Variants in NLGN1 observed in about 807,000 individuals in gnomAD.
NLGN1 encodes neuroligin-1.
A neutral mutation model predicts 65.5 loss-of-function variants in NLGN1; 12 were observed. That is an observed-to-expected ratio of 0.18 (90% CI 0.12 to 0.30). The LOEUF (loss-of-function observed/expected upper bound fraction) is 0.30. Ranked by LOEUF, NLGN1 falls within the 10% of genes least tolerant of loss-of-function variation. The pLI, the probability that NLGN1 is intolerant of heterozygous loss-of-function variation, is 1.00. For missense variants in NLGN1, 750 were observed against 1,007.1 expected, an observed-to-expected ratio of 0.74 and a Z score of 3.46; for synonymous variants, 350 against 359.5, an observed-to-expected ratio of 0.97 and a Z score of 0.30.
chr3:174,241,583 A>G (rs1742822537), intron 4 of NLGN1, among the ~76,000 whole-genome samples: 1 of 151,768 alleles, frequency 6.6e-6, no homozygotes, highest in South Asian at 2.1e-4. Context: ...ATTCTCAAGG[A>G]TATTACAATC....
intron 2 of NLGN1, among the ~76,000 whole-genome samples, chr3:173,577,173 G>T (rs1189775904): frequency 6.6e-6 from 1 of 152,178 alleles, no homozygotes; most frequent in Non-Finnish European, 1.5e-5. Flanking sequence ...ATGAATTTCA[G>T]CTATAAGATA....
chr3:173,685,674 C>T (rs1764578694), intron 3 of NLGN1: 2 of 985,252 alleles, frequency 2.0e-6, no homozygotes, highest in Non-Finnish European at 2.4e-6. Flanking sequence ...ATAGCTATGT[C>T]ATGTAAGGAC....
Position 174,280,594 on chromosome 3 carries a change from T to C in NLGN1, c.1763T>C (p.Ile588Thr). The change falls in exon 7 of 7, where the codon ATT becomes ACT. Residue 588 changes from isoleucine to threonine, a missense_variant. Physicochemically the swap from Ile to Thr is moderately conservative, Grantham distance 89 (BLOSUM62 -1). Transcript: ENST00000457714. The surrounding 1 kb of genome is among the most constrained non-coding windows in gnomAD (Gnocchi z 4.9). ...CAGAAAGACCAACTTTATCTCCATA[T>C]TGGATTAAAACCAAGAGTTAAAGAA... 2 of 1,613,252 alleles carry C rather than the reference T, an allele frequency of 1.2e-6. No individual in the cohort carries two copies. The highest frequency in any genetic ancestry group is 1.7e-6 in the Non-Finnish European group (2 of 1,179,490).
intron 3 of NLGN1, among the ~76,000 whole-genome samples, chr3:173,735,240 A>G (rs1175337618): frequency 2.0e-5 from 3 of 152,146 alleles, no homozygotes; most frequent in Non-Finnish European, 4.4e-5. Flanking sequence ...ACCAAAATGC[A>G]AAGTTCTAGC....
At chr3:174,167,351 A>G (rs1171155139) in intron 4 of NLGN1, among the ~76,000 whole-genome samples, 2 of 152,068 alleles carry the variant, frequency 1.3e-5, no homozygotes, top group Non-Finnish European at 1.5e-5. Flanking sequence ...TTGTATGTTT[A>G]GAACCCCCTT....
At chr3:173,813,258 TTCTG>T (rs577577240) in intron 4 of NLGN1, among the ~76,000 whole-genome samples, 1 of 152,182 alleles carries the variant, frequency 6.6e-6, no homozygotes, top group Non-Finnish European at 1.5e-5. Context: ...TTGTTTTTGT[TTCTG>T]TCTGACTCTT....
At chr3:173,967,362 G>A (rs1018572193) in intron 4 of NLGN1, among the ~76,000 whole-genome samples, 4 of 152,150 alleles carry the variant, frequency 2.6e-5, no homozygotes, top group Non-Finnish European at 5.9e-5. Context: ...TGCTTGAACT[G>A]TAATAAGGTA....
At chr3:174,182,948 G>A (rs1023134751) in intron 4 of NLGN1, among the ~76,000 whole-genome samples, 3 of 152,156 alleles carry the variant, frequency 2.0e-5, no homozygotes, top group African/African-American at 4.8e-5. Flanking sequence ...ATACAAAACC[G>A]ACTTTGCCAC....
At chr3:173,691,860 A>G (rs537737676) in intron 3 of NLGN1, among the ~76,000 whole-genome samples, 1 of 152,124 alleles carries the variant, frequency 6.6e-6, no homozygotes, top group Non-Finnish European at 1.5e-5. Context: ...TTTTGGAAAA[A>G]AAATATTGGC....
rs149790953 is a variant in NLGN1 at position 173,844,223 on chromosome 3, A to T, written c.646+36391A>T. 4.2e-3 allele frequency among the ~76,000 whole-genome samples: 644 copies of T among 152,292 alleles called. 6 individuals are homozygous for T. The highest frequency in any genetic ancestry group is 0.015 in the African/African-American group (621 of 41,556). On this transcript the variant is annotated intron_variant, in intron 4 of 6. Transcript: ENST00000457714. ...ACCACATGGGGATTATGGGAGTTAC[A>T]GTTCAAGATGAAATTTGGGTGGAGA...
Position 174,157,443 on chromosome 3 carries a change from TA to T in NLGN1, c.647-117865del, listed in dbSNP as rs944598383. ...TTAAATATGATTGATGAAAGGTTTT[TA>T]AAAAAATTCATCAATGGGTTTAGAT... On this transcript the variant is annotated intron_variant, in intron 4 of 6. Transcript: ENST00000457714. Among the ~76,000 whole-genome samples, 11 of 151,932 alleles carry T rather than the reference TA, an allele frequency of 7.2e-5. No individual in the cohort carries two copies. The South Asian group carries it at 1.9e-3, about 26-fold the overall frequency.
intron 2 of NLGN1, among the ~76,000 whole-genome samples, chr3:173,581,581 C>G (rs532554512): frequency 1.0e-3 from 153 of 151,704 alleles, no homozygotes; most frequent in African/African-American, 3.5e-3. Context: ...CCATATTTTC[C>G]CATTTAGGTG....
intron 2 of NLGN1, among the ~76,000 whole-genome samples, chr3:173,541,488 A>G (rs1240364701): frequency 6.6e-6 from 1 of 152,152 alleles, no homozygotes; most frequent in Non-Finnish European, 1.5e-5. Context: ...GATTCAGTGC[A>G]TATTGTCTAT....
chr3:173,476,511 G>A (rs1331212093), intron 2 of NLGN1, among the ~76,000 whole-genome samples: 6 of 152,226 alleles, frequency 3.9e-5, no homozygotes, highest in East Asian at 1.9e-4. Flanking sequence ...CAGAATGAAC[G>A]ACCAGAATTG....
At chr3:173,885,452 G>A (rs1465014563) in intron 4 of NLGN1, among the ~76,000 whole-genome samples, 1 of 151,958 alleles carries the variant, frequency 6.6e-6, no homozygotes, top group African/African-American at 2.4e-5. Context: ...AAGTGTAAAG[G>A]CAAGGGAAAC....
intron 3 of NLGN1, among the ~76,000 whole-genome samples, chr3:173,697,938 T>C (rs1228983177): frequency 6.6e-6 from 1 of 152,030 alleles, no homozygotes; most frequent in East Asian, 1.9e-4. Context: ...ATACATTAAT[T>C]TTTTTAGATT....
chr3:173,821,278 T>C (rs1720240440), intron 4 of NLGN1, among the ~76,000 whole-genome samples: 1 of 152,202 alleles, frequency 6.6e-6, no homozygotes, highest in African/African-American at 2.4e-5. Context: ...AAGCCATCTT[T>C]ACTGGAGAAG....
At chr3:173,752,534 T>C (rs2150161536) in intron 3 of NLGN1, among the ~76,000 whole-genome samples, 1 of 152,228 alleles carries the variant, frequency 6.6e-6, no homozygotes, top group Non-Finnish European at 1.5e-5. Context: ...CTTCCTTATT[T>C]ATCATAGCAT....
At chr3:173,687,577 A>G (rs1764859798) in intron 3 of NLGN1, among the ~76,000 whole-genome samples, 1 of 152,242 alleles carries the variant, frequency 6.6e-6, no homozygotes, top group African/African-American at 2.4e-5. Flanking sequence ...TGGACTTATA[A>G]AACAGTTGTA....
Sources: gnomAD v4.1 joint callset for allele counts (sites outside exome capture counted in the v4.1 genomes callset) on GRCh38, gnomAD v4.1.1 for gene constraint, Gnocchi (gnomAD v3.1) non-coding constraint, MANE v1.5 for transcripts, NCBI Gene and HGNC (gene_info 2026-07-23, HGNC 2026-07-21) for gene names.